CDH13: variants seen among roughly 807,000 people sequenced by gnomAD.
CDH13 encodes the protein cadherin-13.
Under a neutral mutation model 63.8 loss-of-function variants are expected in CDH13, and 24 were observed. The observed-to-expected ratio is 0.38, with a 90% CI of 0.27 to 0.53. The LOEUF (loss-of-function observed/expected upper bound fraction) is 0.53, where lower values mean the gene tolerates loss of function less well. Ranked by LOEUF, CDH13 falls within the 20% of genes least tolerant of loss-of-function variation. The pLI, the probability that CDH13 is intolerant of heterozygous loss-of-function variation, is 0.85. For synonymous variants in CDH13, 503 were observed against 355.3 expected (o/e 1.42, Z -4.67); for missense variants, 1,049 against 903.1 (o/e 1.16, Z -2.07).
chr16:83,622,237 G>A (rs771520728), intron 8 of CDH13, among the ~76,000 whole-genome samples: 8 of 152,100 alleles, frequency 5.3e-5, no homozygotes, highest in African/African-American at 1.4e-4. Flanking sequence ...GGTTTAGGAC[G>A]ATACCTGAGA....
intron 3 of CDH13, among the ~76,000 whole-genome samples, chr16:83,043,589 T>A (rs1401523320): frequency 6.6e-6 from 1 of 151,802 alleles, no homozygotes; most frequent in Non-Finnish European, 1.5e-5. Flanking sequence ...CCAGGCACAA[T>A]GGCTCACACC....
At chr16:82,895,689 C>T (rs1567639147) in intron 2 of CDH13, among the ~76,000 whole-genome samples, 1 of 147,724 alleles carries the variant, frequency 6.8e-6, no homozygotes, top group Non-Finnish European at 1.5e-5. Context: ...ACGCCTCTCC[C>T]TTTTTTTTTT....
In CDH13 at chr16:82,728,790, G is replaced by A. The variant is rs1234732709; in HGVS notation, c.45+101653G>A. Among the ~76,000 whole-genome samples, 3 of 152,184 alleles carry A rather than the reference G, an allele frequency of 2.0e-5. No homozygotes were observed. The East Asian group carries it at 5.8e-4, about 29-fold the overall frequency. On this transcript the variant is annotated intron_variant, in intron 1 of 13. Coordinates refer to ENST00000567109, the MANE Select transcript of CDH13 (RefSeq NM_001257.5). The stretch of plus-strand genomic sequence containing the variant: ...TTTCTGTAAAAATTTTGTATAGCAT[G>A]TGATGCTGTTTGATAGCATTTTACC...
intron 5 of CDH13, among the ~76,000 whole-genome samples, chr16:83,299,934 C>T (rs997126533): frequency 3.9e-5 from 6 of 152,188 alleles, no homozygotes; most frequent in Admixed American, 1.3e-4. Flanking sequence ...ATCCCAAATT[C>T]AGATGAGGGC....
At chr16:83,479,824 C>T (rs2073711799) in intron 6 of CDH13, among the ~76,000 whole-genome samples, 1 of 152,178 alleles carries the variant, frequency 6.6e-6, no homozygotes. Flanking sequence ...ATTACAATGG[C>T]TTGTGCCCTG....
chr16:83,455,282 C>A (rs764426760), intron 6 of CDH13, among the ~76,000 whole-genome samples: 1 of 152,148 alleles, frequency 6.6e-6, no homozygotes, highest in Non-Finnish European at 1.5e-5. Context: ...GATTCACTAA[C>A]CCCCTCTAAA....
intron 4 of CDH13, among the ~76,000 whole-genome samples, chr16:83,163,474 G>A (rs773314195): frequency 1.6e-4 from 25 of 152,040 alleles, no homozygotes; most frequent in Non-Finnish European, 3.1e-4. Context: ...CAGGCCAGAC[G>A]CTCATCACCT....
At chr16:83,788,435 C>G (rs192202146) in intron 13 of CDH13, among the ~76,000 whole-genome samples, 2 of 151,170 alleles carry the variant, frequency 1.3e-5, no homozygotes, top group Non-Finnish European at 2.9e-5. Flanking sequence ...TACCAACACT[C>G]CCCATATATT....
Position 83,562,943 on chromosome 16 carries a change from G to C in CDH13, c.961-39511G>C, listed in dbSNP as rs186124290. 3.0e-4 allele frequency among the ~76,000 whole-genome samples: 46 copies of C among 152,312 alleles called. No homozygotes were observed. The East Asian group carries it at 8.5e-3, about 28-fold the overall frequency. On this transcript the variant is annotated intron_variant, in intron 7 of 13. Transcript: ENST00000567109. ...GACGAGGACCTGGATTTTGTCCTGA[G>C]CTTTTGGCAGGCTGGTAGAGGGACA...
chr16:83,019,370 A>C (rs145750008), intron 2 of CDH13, among the ~76,000 whole-genome samples: 5 of 151,894 alleles, frequency 3.3e-5, no homozygotes, highest in African/African-American at 1.2e-4. Flanking sequence ...CTGCCTCCAC[A>C]TTTTGTCTCA....
At chr16:82,770,792 C>T (rs2035231814) in intron 1 of CDH13, among the ~76,000 whole-genome samples, 1 of 152,268 alleles carries the variant, frequency 6.6e-6, no homozygotes, top group South Asian at 2.1e-4. Flanking sequence ...ACTGCAACCT[C>T]CGCCTCCCAA....
intron 11 of CDH13, among the ~76,000 whole-genome samples, chr16:83,758,619 T>A (rs1030619002): frequency 6.6e-6 from 1 of 152,196 alleles, no homozygotes; most frequent in Non-Finnish European, 1.5e-5. Flanking sequence ...TCTTTATTCA[T>A]AAATGATATG....
At chr16:82,704,992 G>A in intron 1 of CDH13, 3 of 365,096 alleles carry the variant, frequency 8.2e-6, no homozygotes, top group South Asian at 6.3e-5. Flanking sequence ...GCTGCCTCAT[G>A]AGGAAGGTGA....
chr16:83,160,432 C>T (rs1363512535), intron 4 of CDH13, among the ~76,000 whole-genome samples: 1 of 151,958 alleles, frequency 6.6e-6, no homozygotes, highest in Non-Finnish European at 1.5e-5. Context: ...AGAGACAGAC[C>T]TATGGCAATG....
chr16:82,992,983 C>G (rs909524440), intron 2 of CDH13, among the ~76,000 whole-genome samples: 4 of 152,184 alleles, frequency 2.6e-5, no homozygotes, highest in Non-Finnish European at 1.5e-5. Context: ...TACTCTAAGT[C>G]TCGTGGCTGA....
chr16:82,848,732 A>T (rs2039365899), intron 1 of CDH13, among the ~76,000 whole-genome samples: 1 of 152,194 alleles, frequency 6.6e-6, no homozygotes, highest in South Asian at 2.1e-4. Context: ...GCAATATTGA[A>T]GTTAGGCCAA....
chr16:82,902,239 G>T (rs1053649769), intron 2 of CDH13, among the ~76,000 whole-genome samples: 1 of 152,090 alleles, frequency 6.6e-6, no homozygotes, highest in Non-Finnish European at 1.5e-5. Context: ...ATATAAAGTG[G>T]TTCTTTATGT....
At chr16:83,021,150 C>A (rs1392567865) in intron 2 of CDH13, among the ~76,000 whole-genome samples, 1 of 152,146 alleles carries the variant, frequency 6.6e-6, no homozygotes, top group Non-Finnish European at 1.5e-5. Flanking sequence ...TAATGGGTGA[C>A]TTTCAAATCC....
chr16:82,726,318 A>C (rs2033092070), intron 1 of CDH13, among the ~76,000 whole-genome samples: 1 of 152,194 alleles, frequency 6.6e-6, no homozygotes, highest in Non-Finnish European at 1.5e-5. Flanking sequence ...TTCAGCCAAT[A>C]TAGTATAAAA....
Sources: allele counts gnomAD v4.1 joint callset (sites outside exome capture counted in the v4.1 genomes callset), GRCh38; gene constraint gnomAD v4.1.1; transcripts MANE v1.5; gene names NCBI Gene and HGNC (gene_info 2026-07-23, HGNC 2026-07-21).